Variants in SUFU observed in about 807,000 individuals in gnomAD.
SUFU encodes suppressor of fused homolog.
In SUFU, 7 loss-of-function variants were observed where a neutral mutation model predicts 58.9. The observed-to-expected ratio is 0.12, with a 90% CI of 0.07 to 0.22. The LOEUF is 0.22. Among genes scored for constraint, SUFU ranks in the 10% least tolerant of loss-of-function variants. The probability of loss-of-function intolerance (pLI) is 1.00; values close to 1 mark genes in which losing one functional copy is unlikely to be tolerated. For missense variants in SUFU, 451 were observed against 641.3 expected, an observed-to-expected ratio of 0.70 and a Z score of 3.20; for synonymous variants, 232 against 254.8, an observed-to-expected ratio of 0.91 and a Z score of 0.85.
chr10:102,581,776 C>G (rs551398250), intron 3 of SUFU, among the ~76,000 whole-genome samples: 2 of 152,162 alleles, frequency 1.3e-5, no homozygotes, highest in Admixed American at 6.5e-5. Context: ...GCTAAGCCCC[C>G]CTAGGACCAG....
chr10:102,519,897 G>A (rs575775847), intron 2 of SUFU, among the ~76,000 whole-genome samples: 161 of 151,966 alleles, frequency 1.1e-3, no homozygotes, highest in Middle Eastern at 6.8e-3. Flanking sequence ...TCAGCCTCCC[G>A]AGTAGCTGGG....
chr10:102,603,516 T>C (rs2063533935), intron 8 of SUFU, among the ~76,000 whole-genome samples: 2 of 152,224 alleles, frequency 1.3e-5, no homozygotes, highest in Admixed American at 1.3e-4. Context: ...GAAAAGTTCC[T>C]GACTATGGGA....
At chr10:102,574,121 G>A (rs1264966762) in intron 3 of SUFU, among the ~76,000 whole-genome samples, 1 of 152,192 alleles carries the variant, frequency 6.6e-6, no homozygotes, top group Non-Finnish European at 1.5e-5. Context: ...TTGGGGGAAA[G>A]TATTAGACAG....
chr10:102,618,629 A>G (rs2063710108), intron 10 of SUFU: 1 of 189,688 alleles, frequency 5.3e-6, no homozygotes, highest in South Asian at 1.6e-4. Context: ...ATTACTTTGA[A>G]CCATAAAGTT....
chr10:102,520,499 C>A (rs891494598), intron 2 of SUFU, among the ~76,000 whole-genome samples: 1 of 151,328 alleles, frequency 6.6e-6, no homozygotes, highest in African/African-American at 2.4e-5. Flanking sequence ...GGATTACAGG[C>A]GTGAGCCACC....
intron 3 of SUFU, among the ~76,000 whole-genome samples, chr10:102,571,228 T>C (rs976489240): frequency 1.8e-4 from 27 of 152,182 alleles, no homozygotes; most frequent in African/African-American, 5.5e-4. Context: ...AGAAGAAAAA[T>C]AGTCAGTACT....
At chr10:102,514,030 A>G (rs1252467520) in intron 2 of SUFU, among the ~76,000 whole-genome samples, 2 of 151,602 alleles carry the variant, frequency 1.3e-5, no homozygotes, top group African/African-American at 4.9e-5. Flanking sequence ...GACCACAGGC[A>G]TGCACCACCA....
At position 102,503,984 on chromosome 10, in the gene SUFU, G is replaced by C; in HGVS notation, c.-169G>C. The stretch of plus-strand genomic sequence containing the variant: ...GGCACCCTCTGGCAGACTCGGCGGC[G>C]GCGACAGCCTGGGCGGACAGTGCGC... On this transcript the variant is annotated 5_prime_UTR_variant, in exon 1 of 12. Transcript: ENST00000369902. The C allele has an allele frequency of 1.0e-6, 1 of 993,298 alleles. No individual in the cohort carries two copies. Among genetic ancestry groups the C allele is most frequent in the East Asian group, 3.2e-5 (1 of 31,270 alleles). The allele number at this position is 993,298 out of a possible 1,614,324, so 61.5% of individuals were successfully genotyped here. A position where few individuals can be genotyped will look rare whatever the true frequency, so the allele number is the denominator to read the frequency against.
At chr10:102,624,641 G>A (rs184284732) in intron 10 of SUFU, among the ~76,000 whole-genome samples, 26 of 152,072 alleles carry the variant, frequency 1.7e-4, no homozygotes, top group African/African-American at 6.0e-4. Flanking sequence ...TCCCCCAACC[G>A]AGTCCAAAAT....
intron 8 of SUFU, among the ~76,000 whole-genome samples, chr10:102,611,398 G>A (rs2063621147): frequency 6.6e-6 from 1 of 152,216 alleles, no homozygotes; most frequent in South Asian, 2.1e-4. Context: ...GTTTCTGTTG[G>A]ACTGTAGTTG....
chr10:102,586,700 A>G (rs2063339214), intron 3 of SUFU, among the ~76,000 whole-genome samples: 1 of 152,258 alleles, frequency 6.6e-6, no homozygotes, highest in African/African-American at 2.4e-5. Flanking sequence ...GATTAAATAT[A>G]TGTAACATAA....
intron 2 of SUFU, among the ~76,000 whole-genome samples, chr10:102,539,721 TATTC>T (rs2062778397): frequency 6.6e-6 from 1 of 152,230 alleles, no homozygotes; most frequent in Non-Finnish European, 1.5e-5. Context: ...TTTACTTACT[TATTC>T]ATTTATTTAT....
intron 3 of SUFU, among the ~76,000 whole-genome samples, chr10:102,588,847 GAAGCATTGTA>G (rs1257340439): frequency 6.6e-6 from 1 of 152,138 alleles, no homozygotes; most frequent in Admixed American, 6.5e-5. Context: ...TTTGTTAAAT[GAAGCATTGTA>G]TTATATTTGA....
At chr10:102,624,907 A>G (rs1416918952) in intron 10 of SUFU, among the ~76,000 whole-genome samples, 1 of 152,058 alleles carries the variant, frequency 6.6e-6, no homozygotes, top group Non-Finnish European at 1.5e-5. Context: ...ATAGTCCCAC[A>G]TCTATTTACT....
intron 3 of SUFU, among the ~76,000 whole-genome samples, chr10:102,576,739 T>C (rs1410336682): frequency 6.6e-6 from 1 of 152,158 alleles, no homozygotes; most frequent in African/African-American, 2.4e-5. Flanking sequence ...ACAGGGTCTT[T>C]CTCTGTTGCC....
Position 102,518,492 on chromosome 10 carries a change from GCTAT to G in SUFU, c.317+9197_317+9200del, listed in dbSNP as rs1172654471. ...GGGAAATGTTGAGCTGGATGTAGAAGCTATCTATCTAACTGTCTGTCTGTCTGTC... is the reference window on the plus strand; with the variant it reads ...GGGAAATGTTGAGCTGGATGTAGAAGCTATCTAACTGTCTGTCTGTCTGTC... On this transcript the variant is annotated intron_variant, in intron 2 of 11. Transcript: ENST00000369902. 6.9e-5 allele frequency among the ~76,000 whole-genome samples: 10 copies of G among 145,668 alleles called. No individual in the cohort carries two copies. The East Asian group carries it at 1.6e-3, about 24-fold the overall frequency.
intron 2 of SUFU, among the ~76,000 whole-genome samples, chr10:102,530,947 T>C (rs1180250136): frequency 6.6e-6 from 1 of 151,982 alleles, no homozygotes; most frequent in East Asian, 1.9e-4. Flanking sequence ...AAGAAAATTG[T>C]AGTTTCTTGG....
At chr10:102,552,314 T>C (rs2062927697) in intron 3 of SUFU, among the ~76,000 whole-genome samples, 1 of 151,352 alleles carries the variant, frequency 6.6e-6, no homozygotes, top group Non-Finnish European at 1.5e-5. Context: ...ATGCCTATAG[T>C]CCCAGCTACT....
chr10:102,517,621 C>G (rs1180205856), intron 2 of SUFU, among the ~76,000 whole-genome samples: 2 of 152,182 alleles, frequency 1.3e-5, no homozygotes, highest in Non-Finnish European at 2.9e-5. Flanking sequence ...CCAACTCTGG[C>G]CTTTGGCCCT....
Sources: gnomAD v4.1 joint callset for allele counts (sites outside exome capture counted in the v4.1 genomes callset) on GRCh38, gnomAD v4.1.1 for gene constraint, MANE v1.5 for transcripts, NCBI Gene and HGNC (gene_info 2026-07-23, HGNC 2026-07-21) for gene names.